Variants in FAM227A observed in about 807,000 individuals in gnomAD.
FAM227A encodes protein FAM227A.
A neutral mutation model predicts 74.7 loss-of-function variants in FAM227A; 80 were observed. The observed-to-expected ratio is 1.07, with a 90% CI of 0.89 to 1.29. The LOEUF (loss-of-function observed/expected upper bound fraction) is 1.29. Ranked by LOEUF, FAM227A falls within the 50% of genes most tolerant of loss-of-function variation. The pLI, the probability that FAM227A is intolerant of heterozygous loss-of-function variation, is 0.00. For synonymous variants in FAM227A, 237 were observed against 241.8 expected (o/e 0.98, Z 0.19); for missense variants, 654 against 683.4 (o/e 0.96, Z 0.48).
chr22:38,637,186 T>C (rs1183067399), intron 5 of FAM227A, among the ~76,000 whole-genome samples: 1 of 152,232 alleles, frequency 6.6e-6, no homozygotes, highest in African/African-American at 2.4e-5. Flanking sequence ...ATATATGTGA[T>C]TTTTATGTCC....
At chr22:38,644,915 CT>C (rs774774976) in intron 3 of FAM227A, among the ~76,000 whole-genome samples, 1 of 151,818 alleles carries the variant, frequency 6.6e-6, no homozygotes, top group Non-Finnish European at 1.5e-5. Context: ...TGGTGGAACC[CT>C]TTCTCTACCA....
intron 14 of FAM227A, among the ~76,000 whole-genome samples, chr22:38,599,351 G>A (rs1173335941): frequency 3.3e-5 from 5 of 152,160 alleles, no homozygotes; most frequent in Non-Finnish European, 2.9e-5. Context: ...GGGTCTAAGG[G>A]AGGAATGTGT....
At chr22:38,591,953 C>CTA (rs1555950636) in intron 15 of FAM227A, among the ~76,000 whole-genome samples, 41 of 143,494 alleles carry the variant, frequency 2.9e-4, no homozygotes, top group African/African-American at 1.0e-3. Flanking sequence ...ATCTTTTTTT[C>CTA]TTTTTTTTTT....
At chr22:38,628,717 G>A (rs2091858707) in intron 7 of FAM227A, 117 bp downstream of exon 7, 1 of 703,628 alleles carries the variant, frequency 1.4e-6, no homozygotes, top group East Asian at 2.7e-5. Context: ...TGACAGGGGA[G>A]GCTGTGGGGT....
chr22:38,620,631 GTC>G (rs1313221977), intron 10 of FAM227A, among the ~76,000 whole-genome samples: 2 of 151,664 alleles, frequency 1.3e-5, no homozygotes, highest in Non-Finnish European at 2.9e-5. Context: ...GTGAAACCCT[GTC>G]TCTACTAAAA....
intron 5 of FAM227A, among the ~76,000 whole-genome samples, 155 bp downstream of exon 5, chr22:38,638,591 A>T (rs1314895236): frequency 1.3e-5 from 2 of 152,164 alleles, no homozygotes; most frequent in Middle Eastern, 3.2e-3. Flanking sequence ...CTGCTGTTGT[A>T]AGGGTGTTAT....
intron 14 of FAM227A, among the ~76,000 whole-genome samples, chr22:38,598,468 A>G (rs1381729151): frequency 6.6e-6 from 1 of 152,206 alleles, no homozygotes; most frequent in African/African-American, 2.4e-5. Context: ...GTCTTTAGAG[A>G]ACAATGAAGT....
rs367942788 is a variant in FAM227A, at chr22:38,603,736, A to G, written c.1221+1518T>C. Among the ~76,000 whole-genome samples the G allele has an allele frequency of 1.4e-4, 21 of 152,270 alleles. No individual in the cohort carries two copies. The East Asian group carries it at 1.7e-3, about 13-fold the overall frequency. On this transcript the variant is annotated intron_variant, in intron 13 of 16. Transcript: ENST00000535113. ...AAAACATCAGGCCCCCAGAGGTCAC[A>G]AACATATTTGAGAGGGTACTAGACT...
chr22:38,609,266 C>T (rs567874108), intron 11 of FAM227A, among the ~76,000 whole-genome samples: 4 of 152,298 alleles, frequency 2.6e-5, no homozygotes, highest in African/African-American at 4.8e-5. Flanking sequence ...ATCTTAGTCA[C>T]GTGGCCACAC....
rs2089642602 is a variant in FAM227A, at chr22:38,638,652, C to G, written c.372+94G>C. On this transcript the variant is annotated intron_variant, in intron 5 of 16. Coordinates refer to ENST00000535113, the MANE Select transcript of FAM227A (RefSeq NM_001013647.2). ...GCGATTTTTCCTTCATAATCACTAC[C>G]CAGGCACCAAGTATTCTCCTCCCCA... 2.2e-5 allele frequency: 20 copies of G among 903,290 alleles called. No homozygotes were observed. The South Asian group carries it at 2.9e-4, about 13-fold the overall frequency. 56.0% of individuals were successfully genotyped at this position (903,290 alleles called of 1,614,324 possible). A position where few individuals can be genotyped will look rare whatever the true frequency, so the allele number is the denominator to read the frequency against.
intron 3 of FAM227A, among the ~76,000 whole-genome samples, chr22:38,640,643 C>T (rs1374839773): frequency 2.0e-5 from 3 of 152,210 alleles, no homozygotes; most frequent in African/African-American, 7.2e-5. Context: ...AAGGGACTTA[C>T]ACTCTATTTG....
At chr22:38,641,391 C>T (rs1346955411) in intron 3 of FAM227A, among the ~76,000 whole-genome samples, 1 of 151,766 alleles carries the variant, frequency 6.6e-6, no homozygotes, top group Non-Finnish European at 1.5e-5. Context: ...ATAGTGGCTC[C>T]TGAATAAAAA....
intron 10 of FAM227A, among the ~76,000 whole-genome samples, chr22:38,620,702 G>A (rs954893362): frequency 2.0e-5 from 3 of 151,838 alleles, no homozygotes; most frequent in African/African-American, 4.8e-5. Flanking sequence ...CCAGCTACTC[G>A]GGAGGCTGAG....
intron 15 of FAM227A, among the ~76,000 whole-genome samples, chr22:38,593,505 T>TAAAAC (rs896427703): frequency 2.3e-4 from 35 of 152,098 alleles, no homozygotes; most frequent in African/African-American, 6.3e-4. Context: ...ACTCCGTCTC[T>TAAAAC]AAAACAAAAC....
Position 38,625,175 on chromosome 22 carries a change from G to A in FAM227A, c.850+1005C>T, listed in dbSNP as rs112849835. ...GAGGCCTTGTTGGGCGGATGACGAG[G>A]TCAGGAGATCAAGACCATCCTGGCT... On this transcript the variant is annotated intron_variant, in intron 9 of 16. Coordinates refer to ENST00000535113, the MANE Select transcript of FAM227A (RefSeq NM_001013647.2). Among the ~76,000 whole-genome samples the A allele has an allele frequency of 4.8e-3, 732 of 152,126 alleles. 8 individuals are homozygous for A. The highest frequency in any genetic ancestry group is 0.017 in the African/African-American group (699 of 41,504).
chr22:38,582,399 A>G lies in FAM227A; in HGVS notation c.*3726T>C. The stretch of plus-strand genomic sequence containing the variant: ...ATGCTGAGAGTATGGGTTTTCAGCA[A>G]CACTGGGAATGACAGAATTAGAATA... On this transcript the variant is annotated 3_prime_UTR_variant, in exon 17 of 17. Coordinates refer to ENST00000535113, the MANE Select transcript of FAM227A (RefSeq NM_001013647.2). The G allele has an allele frequency of 6.4e-7, 1 of 1,550,426 alleles. No individual in the cohort carries two copies. Among genetic ancestry groups the G allele is most frequent in the Non-Finnish European group, 8.7e-7 (1 of 1,146,720 alleles).
rs997536234 is a variant in FAM227A at position 38,581,647 on chromosome 22, C to T, written c.*4478G>A. 8.5e-5 allele frequency: 13 copies of T among 152,062 alleles called. No homozygotes were observed. The highest frequency in any genetic ancestry group is 2.7e-4 in the African/African-American group (11 of 41,396). 9.4% of individuals were successfully genotyped at this position (152,062 alleles called of 1,614,324 possible). ...AGAGACAGGATTTCGCCATGTTGGT[C>T]AGGCTGGTCTCAAACTACTGGTCTC... On this transcript the variant is annotated 3_prime_UTR_variant, in exon 17 of 17. Transcript: ENST00000535113.
intron 11 of FAM227A, among the ~76,000 whole-genome samples, chr22:38,613,298 T>TATATAATATATAAC (rs1569207487): frequency 2.6e-5 from 2 of 77,810 alleles, no homozygotes; most frequent in African/African-American, 5.8e-5. Flanking sequence ...ATATATATCA[T>TATATAATATATAAC]ATATAATATA....
intron 13 of FAM227A, among the ~76,000 whole-genome samples, chr22:38,604,164 T>C (rs1460199816): frequency 2.0e-5 from 3 of 151,830 alleles, no homozygotes. Context: ...CCGTCTCTAT[T>C]AAAAATACAA....
Sources: allele counts gnomAD v4.1 joint callset (sites outside exome capture counted in the v4.1 genomes callset), GRCh38; gene constraint gnomAD v4.1.1; transcripts MANE v1.5; gene names NCBI Gene and HGNC (gene_info 2026-07-23, HGNC 2026-07-21).